The following ANAPC5 variants were observed in gnomAD, a reference collection of about 807,000 sequenced individuals.
ANAPC5 encodes anaphase-promoting complex subunit 5.
In ANAPC5, 60 loss-of-function variants were observed where a neutral mutation model predicts 91.3. The ratio of observed to expected loss-of-function variants is 0.66; its 90% CI spans 0.53 to 0.81. The LOEUF is 0.81. Among genes scored for constraint, ANAPC5 ranks in the 40% least tolerant of loss-of-function variants. The pLI is 0.00. For synonymous variants in ANAPC5, 340 were observed against 364.1 expected (o/e 0.93, Z 0.75); for missense variants, 690 against 931.5 (o/e 0.74, Z 3.37).
chr12:121,352,712 T>TGGTGGTGGTGGTGGTGGTGGTGG (rs1566202325), upstream of ANAPC5, among the ~76,000 whole-genome samples: 1 of 19,852 alleles, frequency 5.0e-5, no homozygotes, highest in Non-Finnish European at 5.8e-4. Flanking sequence ...TTGTTGGTTG[T>TGGTGGTGGTGGTGGTGGTGGTGG]TGTTGTTGGT....
At chr12:121,327,328 T>G in intron 10 of ANAPC5, 97 bp from the exon 11 acceptor site, 1 of 1,458,674 alleles carries the variant, frequency 6.9e-7, no homozygotes, top group Non-Finnish European at 9.2e-7. Context: ...CGTAAAGTCA[T>G]ACACCTCACA....
Position 121,331,354 on chromosome 12 carries a change from T to C in ANAPC5, c.1025A>G (p.His342Arg), listed in dbSNP as rs1903036331. The change falls in exon 8 of 17, where the codon CAC becomes CGC. Residue 342 changes from histidine to arginine, a missense_variant. Around this residue, in one of 5 missense-constraint regions of ANAPC5, gnomAD observed 36 missense variants for 27.6 expected, o/e 1.30. Coordinates refer to ENST00000261819, the MANE Select transcript of ANAPC5 (RefSeq NM_016237.5). ...QESNDHVCLQ[H>R]CLSWLYVLGQ... ...ACCAGAGGATGGCCTCACCAAACAG[T>C]GCTGGAGACACACGTGATCGTTGGA... 1 of 1,604,930 alleles carries C rather than the reference T, an allele frequency of 6.2e-7. No homozygotes were observed. Among genetic ancestry groups the C allele is most frequent in the Non-Finnish European group, 8.5e-7 (1 of 1,172,346 alleles).
chr12:121,350,567 G>T (rs1156766576), intron 1 of ANAPC5, among the ~76,000 whole-genome samples: 1 of 152,078 alleles, frequency 6.6e-6, no homozygotes, highest in Non-Finnish European at 1.5e-5. Flanking sequence ...TATAGTCCCA[G>T]CTACTCCGGA....
At chr12:121,327,845 C>G (rs113205214) in intron 10 of ANAPC5, 112 of 157,466 alleles carry the variant, frequency 7.1e-4, no homozygotes, top group Admixed American at 1.2e-3. Flanking sequence ...CCTCAGTTAA[C>G]AGAAAAGCAA....
rs973327247 is a variant in ANAPC5 at position 121,310,132 on chromosome 12, G to A, written c.1894-269C>T. 1.6e-5 allele frequency: 4 copies of A among 246,378 alleles called. No homozygotes were observed. In the Admixed American group the frequency reaches 2.2e-4, roughly 13 times the overall value. The allele number at this position is 246,378 out of a possible 1,614,324, so 15.3% of individuals were successfully genotyped here. On this transcript the variant is annotated intron_variant, in intron 15 of 16. Coordinates refer to ENST00000261819, the MANE Select transcript of ANAPC5 (RefSeq NM_016237.5). ...AAAGATCCAGCATTAATATCCTTTA[G>A]CTTGGTGATTCTGAGGGGTTGAACT...
At chr12:121,325,504 A>AT (rs1555272198) in intron 11 of ANAPC5, among the ~76,000 whole-genome samples, 1 of 5,096 alleles carries the variant, frequency 2.0e-4, no homozygotes, top group East Asian at 0.1. Flanking sequence ...AAAATTAAAA[A>AT]TTAAAAAAAA....
chr12:121,341,973 A>G, intron 5 of ANAPC5, 30 bp downstream of exon 5: 1 of 1,551,388 alleles, frequency 6.4e-7, no homozygotes. Flanking sequence ...CTAGAACAGA[A>G]GTTCATGATA....
At chr12:121,308,821 G>T in intron 16 of ANAPC5, 130 bp from the exon 17 acceptor site, 1 of 811,566 alleles carries the variant, frequency 1.2e-6, no homozygotes, top group Non-Finnish European at 2.0e-6. Flanking sequence ...TTCTTTGAGA[G>T]AGAAAAAACA....
At chr12:121,327,269 C>A in intron 10 of ANAPC5, 38 bp from the exon 11 acceptor site, 1 of 1,606,658 alleles carries the variant, frequency 6.2e-7, no homozygotes. Context: ...CTTTCAGCAG[C>A]AGACCTGGCT....
Position 121,347,808 on chromosome 12 carries a change from T to A in ANAPC5, c.281A>T (p.Gln94Leu). 1 of 1,610,876 alleles carries A rather than the reference T, an allele frequency of 6.2e-7. No individual in the cohort carries two copies. The highest frequency in any genetic ancestry group is 8.5e-7 in the Non-Finnish European group (1 of 1,177,102). The change falls in exon 2 of 17, where the codon CAG becomes CTG. Residue 94 changes from glutamine (Q) to leucine (L), a missense_variant. Gln to Leu is a moderately radical substitution (Grantham distance 113). This residue lies in a region of ANAPC5 where 238 missense variants were observed against 264.9 expected (regional missense o/e 0.90). Coordinates refer to ENST00000261819, the MANE Select transcript of ANAPC5 (RefSeq NM_016237.5). Reference protein sequence around the residue: ...ESCPQLANSVQIRIKLMAEGE... With the variant: ...ESCPQLANSVLIRIKLMAEGE... Reference sequence around the variant, plus strand: ...AGAAGAAAATGAAGTTTACCTGATCTGCACTGAATTTGCCAGCTGTGGACA... The same window carrying A: ...AGAAGAAAATGAAGTTTACCTGATCAGCACTGAATTTGCCAGCTGTGGACA...
At position 121,337,292 on chromosome 12, in the gene ANAPC5, G is replaced by A. The variant is rs782375551; in HGVS notation, c.758C>T (p.Ala253Val). 10 of 1,611,376 alleles carry A rather than the reference G, an allele frequency of 6.2e-6. No homozygotes were observed. The highest frequency in any genetic ancestry group is 1.3e-5 in the African/African-American group (1 of 74,826). The change falls in exon 6 of 17, where the codon GCG (alanine) becomes GTG (valine). Residue 253 changes from alanine (A) to valine (V), a missense_variant and splice_region_variant. Coordinates refer to ENST00000261819, the MANE Select transcript of ANAPC5 (RefSeq NM_016237.5). ...CAACAAATTCTGGGAAAGACTTACCGCTTCAGCAAAATCAGGATTAAATTT... is the reference window on the plus strand; with the variant it reads ...CAACAAATTCTGGGAAAGACTTACCACTTCAGCAAAATCAGGATTAAATTT... ...LLKFNPDFAE[A>V]HYLSYLNNLR...
chr12:121,345,750 C>T, intron 4 of ANAPC5, 89 bp downstream of exon 4: 1 of 1,326,482 alleles, frequency 7.5e-7, no homozygotes, highest in Middle Eastern at 2.7e-4. Context: ...CATAAGCCAG[C>T]ACGTGAATTC....
rs782585043 is a variant in ANAPC5 at position 121,347,904 on chromosome 12, G to A, written c.208-23C>T. 2.0e-6 allele frequency: 3 copies of A among 1,532,422 alleles called. No homozygotes were observed. The East Asian group carries it at 6.8e-5, about 34-fold the overall frequency. 94.9% of individuals were successfully genotyped at this position (1,532,422 alleles called of 1,614,324 possible). On this transcript the variant is annotated intron_variant, in intron 1 of 16. Transcript: ENST00000261819. ...GCCCTGTGTAAAGGAGAGATAGGGA[G>A]GTATGGATTTTAAAGAGCTGGAGAC...
chr12:121,352,593 G>T (rs936235843), upstream of ANAPC5: 1 of 447,820 alleles, frequency 2.2e-6, no homozygotes, highest in Non-Finnish European at 4.0e-6. Context: ...AACTTTTGCC[G>T]AGTGGGAGCA....
At chr12:121,352,479 T>C, upstream of ANAPC5, 1 of 698,968 alleles carries the variant, frequency 1.4e-6, no homozygotes, top group Non-Finnish European at 2.4e-6. Flanking sequence ...GCGGCATTTG[T>C]TAACCAATCA....
At chr12:121,332,310 T>A (rs1903073362) in intron 7 of ANAPC5, 1 of 152,196 alleles carries the variant, frequency 6.6e-6, no homozygotes, top group Non-Finnish European at 1.5e-5. Flanking sequence ...TTCTGTAATA[T>A]TTTTTCCTTT....
At chr12:121,336,945 C>T (rs920831521) in intron 6 of ANAPC5, among the ~76,000 whole-genome samples, 2 of 152,190 alleles carry the variant, frequency 1.3e-5, no homozygotes, top group Non-Finnish European at 2.9e-5. Context: ...CTTGGCCAGG[C>T]GCAGTGGCTC....
chr12:121,346,157 T>C (rs1173875994), intron 3 of ANAPC5, 126 bp from the exon 4 acceptor site: 1 of 743,302 alleles, frequency 1.3e-6, no homozygotes, highest in African/African-American at 1.8e-5. Context: ...AAGAGACACT[T>C]GCAGTTGCCA....
intron 11 of ANAPC5, 162 bp from the exon 12 acceptor site, chr12:121,320,621 T>C (rs186147010): frequency 6.1e-6 from 3 of 491,154 alleles, no homozygotes; most frequent in Non-Finnish European, 1.1e-5. Flanking sequence ...TTTTTTTTTT[T>C]GGGACAGAGT....
Sources: allele counts gnomAD v4.1 joint callset (sites outside exome capture counted in the v4.1 genomes callset), GRCh38; gene constraint gnomAD v4.1.1; regional missense constraint gnomAD v4.1.1; transcripts MANE v1.5; gene names NCBI Gene and HGNC (gene_info 2026-07-23, HGNC 2026-07-21).